Variants in THSD7B observed in about 807,000 individuals in gnomAD.
THSD7B encodes thrombospondin type-1 domain-containing protein 7B.
A neutral mutation model predicts 213.6 loss-of-function variants in THSD7B; 138 were observed. The ratio of observed to expected loss-of-function variants is 0.65; its 90% confidence interval spans 0.56 to 0.74. The LOEUF (loss-of-function observed/expected upper bound fraction) is 0.74. Ranked by LOEUF, THSD7B falls within the 30% of genes least tolerant of loss-of-function variation. The pLI is 0.00. For synonymous variants in THSD7B, 742 were observed against 687.0 expected (o/e 1.08, Z -1.25); for missense variants, 1,931 against 1,991.5 (o/e 0.97, Z 0.58).
intron 7 of THSD7B, among the ~76,000 whole-genome samples, chr2:137,222,286 C>T (rs1286987514): frequency 1.3e-5 from 2 of 152,248 alleles, no homozygotes; most frequent in South Asian, 2.1e-4. Flanking sequence ...AATTTTCCAG[C>T]GTCACATTTT....
chr2:137,600,263 G>T (rs1242110110), intron 17 of THSD7B, among the ~76,000 whole-genome samples: 1 of 152,130 alleles, frequency 6.6e-6, no homozygotes, highest in Non-Finnish European at 1.5e-5. Context: ...AAACACTAAA[G>T]GTTATTGGTT....
intron 7 of THSD7B, among the ~76,000 whole-genome samples, chr2:137,191,200 T>C (rs1423892225): frequency 6.6e-6 from 1 of 152,212 alleles, no homozygotes; most frequent in Non-Finnish European, 1.5e-5. Context: ...ATTCCCTTCA[T>C]CAAGTATGAA....
chr2:137,257,693 G>T (rs1158380621), intron 10 of THSD7B, among the ~76,000 whole-genome samples: 1 of 152,136 alleles, frequency 6.6e-6, no homozygotes, highest in East Asian at 1.9e-4. Context: ...TTCTCTCCAG[G>T]CCAGGATCCT....
chr2:137,591,615 T>C (rs1456028441), intron 17 of THSD7B, among the ~76,000 whole-genome samples: 1 of 152,006 alleles, frequency 6.6e-6, no homozygotes, highest in Non-Finnish European at 1.5e-5. Context: ...CCATGTATTA[T>C]GTTTTTCAAT....
At chr2:137,084,094 A>G (rs1012471861) in intron 3 of THSD7B, among the ~76,000 whole-genome samples, 9 of 4,516 alleles carry the variant, frequency 2.0e-3, no homozygotes, top group African/African-American at 0.011. Context: ...TTTTTTCCAT[A>G]TTCAGGGTAG....
At chr2:137,658,358 G>A (rs901135097) in intron 24 of THSD7B, among the ~76,000 whole-genome samples, 2 of 152,068 alleles carry the variant, frequency 1.3e-5, no homozygotes, top group South Asian at 2.1e-4. Context: ...TTCTCTGCAC[G>A]GAATTCCTCA....
chr2:136,837,071 T>C (rs1274598526), intron 1 of THSD7B, among the ~76,000 whole-genome samples: 1 of 152,242 alleles, frequency 6.6e-6, no homozygotes, highest in African/African-American at 2.4e-5. Context: ...CTAGGTTGGA[T>C]TGGCTTCATC....
chr2:137,039,463 T>A (rs1686838910), intron 2 of THSD7B, among the ~76,000 whole-genome samples: 1 of 152,220 alleles, frequency 6.6e-6, no homozygotes. Context: ...AGGCCAAGGT[T>A]GTTGCTAAAC....
intron 2 of THSD7B, among the ~76,000 whole-genome samples, chr2:136,939,250 C>A (rs10197042): frequency 6.6e-6 from 1 of 152,058 alleles, no homozygotes; most frequent in Admixed American, 6.6e-5. Flanking sequence ...TTCAAAGCAC[C>A]ATTGCGCTCC....
At chr2:137,029,279 A>G (rs934446287) in intron 2 of THSD7B, among the ~76,000 whole-genome samples, 2 of 151,894 alleles carry the variant, frequency 1.3e-5, no homozygotes, top group African/African-American at 2.4e-5. Context: ...GGGTTTTACC[A>G]TTTTGGCCAG....
chr2:137,033,137 T>C (rs1268465468), intron 2 of THSD7B, among the ~76,000 whole-genome samples: 2 of 258 alleles, frequency 7.8e-3, no homozygotes, highest in African/African-American at 0.029. Flanking sequence ...TAAAACTCAG[T>C]GGCCCTAAAA....
chr2:137,101,828 C>T (rs1342745353), intron 4 of THSD7B, among the ~76,000 whole-genome samples: 2 of 152,236 alleles, frequency 1.3e-5, no homozygotes, highest in African/African-American at 4.8e-5. Context: ...TGTAGCCAGA[C>T]TGCCTGTCTA....
chr2:137,307,289 G>T (rs1241096587), intron 12 of THSD7B, among the ~76,000 whole-genome samples: 1 of 152,000 alleles, frequency 6.6e-6, no homozygotes, highest in Non-Finnish European at 1.5e-5. Flanking sequence ...ACTGTGAGAG[G>T]CTCCTTTCCA....
intron 2 of THSD7B, among the ~76,000 whole-genome samples, chr2:136,898,124 C>T (rs1683995955): frequency 6.6e-6 from 1 of 152,226 alleles, no homozygotes; most frequent in South Asian, 2.1e-4. Flanking sequence ...AGTCTCCACT[C>T]AACCCAGGAA....
intron 15 of THSD7B, among the ~76,000 whole-genome samples, chr2:137,506,711 C>G (rs1032435607): frequency 1.8e-4 from 28 of 152,214 alleles, no homozygotes; most frequent in Non-Finnish European, 4.4e-5. Context: ...AGGGCTCTTT[C>G]AGGTTTTAGG....
rs189314338 is a variant in THSD7B, at chr2:136,931,304, C to T, written c.139+48987C>T. Among the ~76,000 whole-genome samples the T allele has an allele frequency of 3.2e-3, 487 of 152,136 alleles. 2 individuals are homozygous for T. The highest frequency in any genetic ancestry group is 0.011 in the African/African-American group (461 of 41,496). On this transcript the variant is annotated intron_variant, in intron 2 of 27. Transcript: ENST00000409968. ...GCCCTAGAATGCAAACCTCACTAGC[C>T]GAATTTTACAATTGAGGAAATTATT...
intron 12 of THSD7B, among the ~76,000 whole-genome samples, chr2:137,382,244 A>G (rs1171639972): frequency 6.6e-6 from 1 of 152,154 alleles, no homozygotes; most frequent in Non-Finnish European, 1.5e-5. Context: ...GGTCTTGTTG[A>G]TAATGTTATG....
intron 2 of THSD7B, among the ~76,000 whole-genome samples, chr2:136,954,585 G>A (rs1355159110): frequency 6.6e-6 from 1 of 151,802 alleles, no homozygotes. Flanking sequence ...GCGAGGTGGC[G>A]GGCGCCTGTA....
intron 7 of THSD7B, among the ~76,000 whole-genome samples, chr2:137,179,010 C>T (rs79637853): frequency 0.013 from 2,024 of 152,236 alleles, 34 homozygotes; most frequent in African/African-American, 0.046. Context: ...CTGTGTCTCT[C>T]ATAGGAGTGC....
Sources: allele counts gnomAD v4.1 joint callset (sites outside exome capture counted in the v4.1 genomes callset), GRCh38; gene constraint gnomAD v4.1.1; transcripts MANE v1.5; gene names NCBI Gene and HGNC (gene_info 2026-07-23, HGNC 2026-07-21).